Variants in IL1RAPL2 observed in about 807,000 individuals in gnomAD.
IL1RAPL2 encodes the protein X-linked interleukin-1 receptor accessory protein-like 2.
In IL1RAPL2, 3 loss-of-function variants were observed where a neutral mutation model predicts 44.1. The observed-to-expected ratio is 0.07, with a 90% CI of 0.03 to 0.18. The LOEUF (loss-of-function observed/expected upper bound fraction) is 0.18. Among genes scored for constraint, IL1RAPL2 ranks in the 10% least tolerant of loss-of-function variants. The probability of loss-of-function intolerance (pLI) is 1.00; values close to 1 mark genes in which losing one functional copy is unlikely to be tolerated. For missense variants in IL1RAPL2, 391 were observed against 496.4 expected (o/e 0.79, Z 2.02); for synonymous variants, 181 against 178.8 (o/e 1.01, Z -0.10).
rs1380231074 is a variant in IL1RAPL2 at position 104,674,594 on chromosome X, G to A, written c.82+15599G>A. Among the ~76,000 whole-genome samples, 3 of 111,213 alleles carry A rather than the reference G, an allele frequency of 2.7e-5. No individual in the cohort carries two copies. In the Admixed American group the frequency reaches 2.9e-4, roughly 11 times the overall value. ...GTGTCTCTGCCTGGCTTTGGTATCA[G>A]AATTATGCTGGCCTCATAAAATGAG... On this transcript the variant is annotated intron_variant, in intron 2 of 10. Transcript: ENST00000372582.
rs776081531 is a variant in IL1RAPL2 at position 105,366,346 on chromosome X, AG to A, written c.697+98806del. 9.0e-3 allele frequency among the ~76,000 whole-genome samples: 988 copies of A among 109,518 alleles called. 8 individuals carry two copies. Among genetic ancestry groups the A allele is most frequent in the African/African-American group, 0.031 (932 of 30,263 alleles). On this transcript the variant is annotated intron_variant, in intron 5 of 10. Coordinates refer to ENST00000372582, the MANE Select transcript of IL1RAPL2 (RefSeq NM_017416.2). Reference sequence around the variant, plus strand: ...TTTAGTATTGTTGGTCTCTTTTTCTAGTTTCTTATTTTTTTTCCTTCTCTGA... The same window carrying A: ...TTTAGTATTGTTGGTCTCTTTTTCTATTTCTTATTTTTTTTCCTTCTCTGA...
At chrX:104,647,786 C>T (rs1419404422) in intron 1 of IL1RAPL2, 7 of 533,570 alleles carry the variant, frequency 1.3e-5, no homozygotes, top group African/African-American at 6.9e-5. Context: ...ATTAAGTGGT[C>T]GAGAATGGCA....
chrX:104,886,611 C>G (rs1225450577), intron 2 of IL1RAPL2, among the ~76,000 whole-genome samples: 21 of 112,080 alleles, frequency 1.9e-4, no homozygotes. Flanking sequence ...TCCTGTATAT[C>G]CAGTTGTACC....
chrX:105,000,758 A>G (rs1252144250), intron 2 of IL1RAPL2, among the ~76,000 whole-genome samples: 3 of 112,004 alleles, frequency 2.7e-5, no homozygotes, highest in Non-Finnish European at 5.6e-5. Flanking sequence ...CCTGTTGCTG[A>G]AAACATTACA....
intron 2 of IL1RAPL2, among the ~76,000 whole-genome samples, chrX:104,877,299 C>T (rs888839717): frequency 7.2e-5 from 8 of 110,924 alleles, no homozygotes; most frequent in South Asian, 3.8e-4. Flanking sequence ...CCTGAGGAAT[C>T]GCCACACTGA....
intron 2 of IL1RAPL2, among the ~76,000 whole-genome samples, chrX:105,035,170 T>G (rs1314344786): frequency 8.9e-6 from 1 of 111,755 alleles, no homozygotes; most frequent in Admixed American, 9.5e-5. Context: ...GAAAGGGAAC[T>G]CCCTGACCCC....
chrX:105,197,616 A>G (rs1556142436), intron 3 of IL1RAPL2, among the ~76,000 whole-genome samples: 1 of 111,042 alleles, frequency 9.0e-6, no homozygotes, highest in African/African-American at 3.3e-5. Flanking sequence ...CATTTCCCCT[A>G]CTGTTTTAAT....
intron 2 of IL1RAPL2, among the ~76,000 whole-genome samples, chrX:105,028,874 A>G (rs1164854047): frequency 9.0e-6 from 1 of 111,155 alleles, no homozygotes; most frequent in Non-Finnish European, 1.9e-5. Flanking sequence ...GGAGACATTC[A>G]ATTTATATAT....
chrX:105,644,401 A>G (rs1032781023), intron 6 of IL1RAPL2, among the ~76,000 whole-genome samples: 3 of 111,069 alleles, frequency 2.7e-5, no homozygotes, highest in African/African-American at 9.8e-5. Flanking sequence ...CATAAAATTA[A>G]AAGTAAAAAT....
chrX:105,698,195 T>G (rs2038092146), intron 6 of IL1RAPL2, among the ~76,000 whole-genome samples: 1 of 111,360 alleles, frequency 9.0e-6, no homozygotes. Flanking sequence ...TCATCATTAT[T>G]ATTATCTGTA....
intron 2 of IL1RAPL2, among the ~76,000 whole-genome samples, chrX:105,194,061 A>G (rs2033654731): frequency 8.9e-6 from 1 of 111,956 alleles, no homozygotes; most frequent in African/African-American, 3.3e-5. Flanking sequence ...CCAGAAAAGT[A>G]TACCTGTGCA....
At chrX:105,021,890 G>A (rs1348477271) in intron 2 of IL1RAPL2, among the ~76,000 whole-genome samples, 2 of 111,209 alleles carry the variant, frequency 1.8e-5, no homozygotes, top group Admixed American at 1.9e-4. Flanking sequence ...TATAGAGCTG[G>A]AGATACATAA....
At chrX:104,830,471 T>C (rs1460227491) in intron 2 of IL1RAPL2, among the ~76,000 whole-genome samples, 1 of 111,764 alleles carries the variant, frequency 8.9e-6, no homozygotes, top group East Asian at 2.8e-4. Flanking sequence ...TAATATTGTT[T>C]TCACTGGAAA....
At chrX:105,061,075 A>G (rs2032070709) in intron 2 of IL1RAPL2, among the ~76,000 whole-genome samples, 1 of 110,170 alleles carries the variant, frequency 9.1e-6, no homozygotes, top group African/African-American at 3.3e-5. Flanking sequence ...CTTTTCTTCT[A>G]GTAATTTTGG....
chrX:105,231,578 A>G (rs1401150078), intron 3 of IL1RAPL2, among the ~76,000 whole-genome samples: 2 of 112,523 alleles, frequency 1.8e-5, no homozygotes, highest in East Asian at 2.8e-4. Flanking sequence ...AGCATCTACT[A>G]TCTATTCATT....
In IL1RAPL2 at chrX:105,681,070, A is replaced by G. The variant is rs1467034783; in HGVS notation, c.773-36297A>G. Among the ~76,000 whole-genome samples, 4 of 111,957 alleles carry G rather than the reference A, an allele frequency of 3.6e-5. 1 individual carries two copies. Among genetic ancestry groups the G allele is most frequent in the Non-Finnish European group, 1.9e-5 (1 of 53,206 alleles). On this transcript the variant is annotated intron_variant, in intron 6 of 10. Coordinates refer to ENST00000372582, the MANE Select transcript of IL1RAPL2 (RefSeq NM_017416.2). The stretch of plus-strand genomic sequence containing the variant: ...AGACTGGTTGACTTCTCTGTGTAGC[A>G]TTCCTTCTTCCTCAGTATGATACAC...
At chrX:104,730,943 TG>T (rs1371466413) in intron 2 of IL1RAPL2, among the ~76,000 whole-genome samples, 1 of 111,444 alleles carries the variant, frequency 9.0e-6, no homozygotes, top group Admixed American at 9.5e-5. Context: ...TATCTCATTG[TG>T]GTTTTGATTT....
Position 105,181,984 on chromosome X carries a change from G to A in IL1RAPL2, c.83-13491G>A, listed in dbSNP as rs782509237. Among the ~76,000 whole-genome samples, 121 of 107,430 alleles carry A rather than the reference G, an allele frequency of 1.1e-3. 1 individual carries two copies. Among genetic ancestry groups the A allele is most frequent in the African/African-American group, 3.5e-3 (102 of 29,240 alleles). 93.3% of individuals were successfully genotyped at this position (107,430 alleles called of 115,157 possible). A position where few individuals can be genotyped will look rare whatever the true frequency, so the allele number is the denominator to read the frequency against. On this transcript the variant is annotated intron_variant, in intron 2 of 10. Coordinates refer to ENST00000372582, the MANE Select transcript of IL1RAPL2 (RefSeq NM_017416.2). ...CGGGAGGCTGAGGCAGGAGAATGGC[G>A]TGAACCCGGGAGGTGGAGCTTGAAG...
At chrX:105,208,423 T>A (rs1257846784) in intron 3 of IL1RAPL2, among the ~76,000 whole-genome samples, 1 of 111,920 alleles carries the variant, frequency 8.9e-6, no homozygotes, top group Non-Finnish European at 1.9e-5. Flanking sequence ...AGTCTTAGCA[T>A]GTACTCCAAC....
Sources: gnomAD v4.1 joint callset for allele counts (sites outside exome capture counted in the v4.1 genomes callset) on GRCh38, gnomAD v4.1.1 for gene constraint, MANE v1.5 for transcripts, NCBI Gene and HGNC (gene_info 2026-07-23, HGNC 2026-07-21) for gene names.